TCF4: variants seen among roughly 807,000 people sequenced by gnomAD.
TCF4 encodes transcription factor 4.
Under a neutral mutation model 82.1 loss-of-function variants are expected in TCF4, and 3 were observed. That is an observed-to-expected ratio of 0.04 (90% CI 0.02 to 0.09). The LOEUF (loss-of-function observed/expected upper bound fraction) is 0.09. Among genes scored for constraint, TCF4 ranks in the 10% least tolerant of loss-of-function variants. TCF4 has a pLI of 1.00. For synonymous variants in TCF4, 276 were observed against 309.6 expected, an observed-to-expected ratio of 0.89 and a Z score of 1.14; for missense variants, 518 against 852.7, an observed-to-expected ratio of 0.61 and a Z score of 4.89.
At chr18:55,455,191 A>G (rs1289406587) in intron 5 of TCF4, among the ~76,000 whole-genome samples, 3 of 150,186 alleles carry the variant, frequency 2.0e-5, no homozygotes, top group Non-Finnish European at 4.4e-5. Context: ...AAAAAAAAAA[A>G]AAAAAAAAAA....
intron 3 of TCF4, among the ~76,000 whole-genome samples, chr18:55,583,086 C>G (rs2097592448): frequency 3.9e-5 from 6 of 152,150 alleles, no homozygotes. Flanking sequence ...CTGTACCCTA[C>G]ATATTATAAT....
intron 5 of TCF4, among the ~76,000 whole-genome samples, chr18:55,406,126 C>CTTT (rs34522468): frequency 6.0e-5 from 7 of 116,092 alleles, no homozygotes; most frequent in African/African-American, 6.5e-5. Flanking sequence ...GGGAGGTGGA[C>CTTT]TTTTTTTTTT....
intron 8 of TCF4, among the ~76,000 whole-genome samples, chr18:55,326,295 G>A (rs1397708937): frequency 2.0e-5 from 3 of 149,732 alleles, no homozygotes; most frequent in African/African-American, 7.4e-5. Flanking sequence ...GCTTAAATGA[G>A]AGGACACCTA....
chr18:55,365,183 A>ATG (rs2086585426), intron 6 of TCF4, among the ~76,000 whole-genome samples: 10 of 106,864 alleles, frequency 9.4e-5, no homozygotes, highest in African/African-American at 3.4e-4. Flanking sequence ...ATATATATAT[A>ATG]TATATATATG....
chr18:55,434,419 CTTTTT>C (rs765165999), intron 5 of TCF4, among the ~76,000 whole-genome samples: 1 of 118,200 alleles, frequency 8.5e-6, no homozygotes. Context: ...ACAGGACATT[CTTTTT>C]TTTTTTTTTT....
chr18:55,241,791 A>G (rs1452782093), intron 15 of TCF4, among the ~76,000 whole-genome samples: 2 of 152,178 alleles, frequency 1.3e-5, no homozygotes, highest in Admixed American at 1.3e-4. Context: ...TTTCTTCCCC[A>G]TCACTTTCCA....
At chr18:55,628,205 C>T (rs1235982154) in intron 2 of TCF4, among the ~76,000 whole-genome samples, 1 of 152,118 alleles carries the variant, frequency 6.6e-6, no homozygotes, top group African/African-American at 2.4e-5. Flanking sequence ...CCCGTATATT[C>T]AGAAGGAACA....
At chr18:55,335,580 C>T (rs185893801) in intron 8 of TCF4, among the ~76,000 whole-genome samples, 46 of 152,198 alleles carry the variant, frequency 3.0e-4, no homozygotes, top group Admixed American at 2.5e-3. Context: ...CATACAGAAC[C>T]GGTCAGCAAG....
chr18:55,490,182 T>C (rs1034574893), intron 3 of TCF4, among the ~76,000 whole-genome samples: 2 of 152,172 alleles, frequency 1.3e-5, no homozygotes, highest in African/African-American at 4.8e-5. Flanking sequence ...TTGTGTGAAG[T>C]CTTCATATCA....
chr18:55,343,601 A>C (rs1357276631), intron 8 of TCF4, among the ~76,000 whole-genome samples: 1 of 152,120 alleles, frequency 6.6e-6, no homozygotes, highest in African/African-American at 2.4e-5. Context: ...TTTATTTTCA[A>C]CCCTGAAATT....
chr18:55,499,103 G>A (rs889393751), intron 3 of TCF4, among the ~76,000 whole-genome samples: 1 of 152,106 alleles, frequency 6.6e-6, no homozygotes, highest in Non-Finnish European at 1.5e-5. Context: ...GTAATGAAAG[G>A]CACCCATTTA....
intron 8 of TCF4, chr18:55,321,715 C>G: frequency 6.5e-7 from 1 of 1,536,112 alleles, no homozygotes; most frequent in South Asian, 1.2e-5. Flanking sequence ...CGCCCATGCC[C>G]GGGATTGTGT....
chr18:55,594,277 G>A (rs533879939), intron 2 of TCF4, among the ~76,000 whole-genome samples: 6 of 152,164 alleles, frequency 3.9e-5, no homozygotes, highest in Admixed American at 2.0e-4. Flanking sequence ...GTACTCAATC[G>A]TATTATTCTC....
chr18:55,625,746 T>C (rs539324984), intron 2 of TCF4, among the ~76,000 whole-genome samples: 1 of 152,344 alleles, frequency 6.6e-6, no homozygotes, highest in African/African-American at 2.4e-5. Context: ...TGCAGTAAAA[T>C]TCAACAGTTT....
At chr18:55,352,129 C>G (rs767814532) in intron 6 of TCF4, 1 of 161,676 alleles carries the variant, frequency 6.2e-6, no homozygotes, top group East Asian at 1.9e-4. Flanking sequence ...CCAATTATGA[C>G]TCTGCCCCTG....
At chr18:55,398,071 G>A (rs2093603041) in intron 6 of TCF4, among the ~76,000 whole-genome samples, 1 of 152,102 alleles carries the variant, frequency 6.6e-6, no homozygotes, top group Admixed American at 6.6e-5. Flanking sequence ...GGGATAGAAG[G>A]GAAGGTATAC....
At chr18:55,463,963 TGTGTGTGTGTGTGTGA>T (rs1461566828) in intron 4 of TCF4, 97 bp downstream of exon 4, 16 of 816,290 alleles carry the variant, frequency 2.0e-5, no homozygotes, top group Non-Finnish European at 1.5e-5. Context: ...TGTGTGTGTG[TGTGTGTGTGTGTGTGA>T]GAGAGAGAGA....
intron 6 of TCF4, among the ~76,000 whole-genome samples, chr18:55,374,253 A>C (rs937935451): frequency 1.3e-5 from 2 of 152,082 alleles, no homozygotes; most frequent in African/African-American, 4.8e-5. Flanking sequence ...AAAAAGTGCA[A>C]CATATTTAAA....
At chr18:55,491,570 A>G (rs1444121888) in intron 3 of TCF4, among the ~76,000 whole-genome samples, 1 of 152,194 alleles carries the variant, frequency 6.6e-6, no homozygotes, top group Non-Finnish European at 1.5e-5. Flanking sequence ...ATCTGGGCAC[A>G]TACCAGTTCT....
Sources: gnomAD v4.1 joint callset for allele counts (sites outside exome capture counted in the v4.1 genomes callset) on GRCh38, gnomAD v4.1.1 for gene constraint, MANE v1.5 for transcripts, NCBI Gene and HGNC (gene_info 2026-07-23, HGNC 2026-07-21) for gene names.